The following PARD3B variants were observed in gnomAD, a reference collection of about 807,000 sequenced individuals.
PARD3B encodes partitioning defective 3 homolog B.
A neutral mutation model predicts 130.2 loss-of-function variants in PARD3B; 103 were observed. The observed-to-expected ratio is 0.79, with a 90% CI of 0.67 to 0.93. PARD3B has a LOEUF of 0.93. Ranked by LOEUF, PARD3B falls within the 40% of genes least tolerant of loss-of-function variation. PARD3B has a pLI of 0.00. For missense variants in PARD3B, 1,609 were observed against 1,499.2 expected (o/e 1.07, Z -1.21); for synonymous variants, 583 against 553.2 (o/e 1.05, Z -0.76).
intron 21 of PARD3B, among the ~76,000 whole-genome samples, chr2:205,523,986 T>C (rs2051218336): frequency 6.6e-6 from 1 of 152,110 alleles, no homozygotes; most frequent in Non-Finnish European, 1.5e-5. Context: ...TTTACCTCAA[T>C]GACTTGACTG....
chr2:205,452,855 T>C, intron 20 of PARD3B, among the ~76,000 whole-genome samples: 1 of 152,032 alleles, frequency 6.6e-6, no homozygotes, highest in Non-Finnish European at 1.5e-5. Flanking sequence ...CAAGGCCCCT[T>C]CCCCCCATCC....
chr2:205,059,379 A>C (rs1699927761), intron 4 of PARD3B, among the ~76,000 whole-genome samples: 1 of 152,040 alleles, frequency 6.6e-6, no homozygotes, highest in Non-Finnish European at 1.5e-5. Context: ...TGTGCAAAGA[A>C]AGCTTCTGTC....
chr2:205,500,078 A>G, intron 21 of PARD3B, 47 bp downstream of exon 21: 1 of 1,597,210 alleles, frequency 6.3e-7, no homozygotes, highest in Non-Finnish European at 8.6e-7. Flanking sequence ...TTTTCTAAGA[A>G]TGTTTAGAGC....
At chr2:204,658,989 T>A (rs1032318649) in intron 1 of PARD3B, among the ~76,000 whole-genome samples, 1 of 152,158 alleles carries the variant, frequency 6.6e-6, no homozygotes, top group African/African-American at 2.4e-5. Context: ...ACAGCAAATA[T>A]CTTTGTCCTT....
intron 18 of PARD3B, among the ~76,000 whole-genome samples, chr2:205,307,928 C>G (rs561483675): frequency 1.3e-5 from 2 of 152,138 alleles, no homozygotes; most frequent in Admixed American, 1.3e-4. Context: ...CCCTTATCTA[C>G]AACTTTTATA....
At chr2:204,570,662 G>A (rs1365388869) in intron 1 of PARD3B, among the ~76,000 whole-genome samples, 1 of 152,208 alleles carries the variant, frequency 6.6e-6, no homozygotes, top group Admixed American at 6.5e-5. Flanking sequence ...CAGGATGAAT[G>A]GGAAATGAGA....
In PARD3B at chr2:205,158,290, C is replaced by T. The variant is rs775559210; in HGVS notation, c.1435-432C>T. On this transcript the variant is annotated intron_variant, in intron 10 of 22. Coordinates refer to ENST00000406610, the MANE Select transcript of PARD3B (RefSeq NM_001302769.2). The surrounding 1 kb of genome is among the most constrained non-coding windows in gnomAD (Gnocchi z 5.4). ...CCCATATTTTCCTGAAATTTTAAGACGTTTCTACACTAAACTCTGTTCCTT... is the reference window on the plus strand; with the variant it reads ...CCCATATTTTCCTGAAATTTTAAGATGTTTCTACACTAAACTCTGTTCCTT... Among the ~76,000 whole-genome samples the T allele has an allele frequency of 6.3e-4, 96 of 152,046 alleles. No homozygotes were observed. Among genetic ancestry groups the T allele is most frequent in the African/African-American group, 2.2e-3 (91 of 41,394 alleles).
intron 1 of PARD3B, among the ~76,000 whole-genome samples, chr2:204,643,136 A>AAAAAAAAAAAAAAAAAAAG (rs1559202402): frequency 3.4e-5 from 5 of 145,198 alleles, no homozygotes; most frequent in Non-Finnish European, 6.1e-5. Flanking sequence ...AAAAAAAAAA[A>AAAAAAAAAAAAAAAAAAAG]TGTTTGGCAC....
At chr2:204,650,920 C>T (rs980367504) in intron 1 of PARD3B, among the ~76,000 whole-genome samples, 17 of 151,976 alleles carry the variant, frequency 1.1e-4, no homozygotes, top group African/African-American at 4.1e-4. Context: ...GAGGAAGTGC[C>T]ACACACTTTC....
At position 204,833,705 on chromosome 2, in the gene PARD3B, C is replaced by T. The variant is rs536816926; in HGVS notation, c.223-131447C>T. ...CATGTAAGACATGCCTTTTGCCTTC[C>T]GCCATGATTGTGGGGCCTCCCCAGC... On this transcript the variant is annotated intron_variant, in intron 2 of 22. Coordinates refer to ENST00000406610, the MANE Select transcript of PARD3B (RefSeq NM_001302769.2). Among the ~76,000 whole-genome samples, 25 of 152,034 alleles carry T rather than the reference C, an allele frequency of 1.6e-4. 1 individual carries two copies. Among genetic ancestry groups the T allele is most frequent in the South Asian group, 4.2e-4 (2 of 4,814 alleles).
At chr2:205,027,320 G>A (rs1455807024) in intron 3 of PARD3B, among the ~76,000 whole-genome samples, 2 of 151,928 alleles carry the variant, frequency 1.3e-5, no homozygotes, top group South Asian at 2.1e-4. Flanking sequence ...TAGTGATGTT[G>A]TGCACCTTTT....
chr2:205,574,651 T>G (rs956614175), intron 22 of PARD3B, among the ~76,000 whole-genome samples: 1 of 152,060 alleles, frequency 6.6e-6, no homozygotes, highest in African/African-American at 2.4e-5. Context: ...GGGGGCAACT[T>G]CACTTCATTG....
At chr2:204,970,336 C>T (rs1483945985) in intron 3 of PARD3B, among the ~76,000 whole-genome samples, 4 of 152,172 alleles carry the variant, frequency 2.6e-5, no homozygotes, top group Admixed American at 1.3e-4. Context: ...TCTATCAGAA[C>T]CAACTTTTTC....
At chr2:204,979,318 G>A (rs750304555) in intron 3 of PARD3B, among the ~76,000 whole-genome samples, 9 of 152,152 alleles carry the variant, frequency 5.9e-5, no homozygotes, top group Admixed American at 2.6e-4. Context: ...GGATGAAGGC[G>A]GGCAACCAGC....
rs866605069 is a variant in PARD3B at position 205,204,917 on chromosome 2, G to C, written c.2140+11597G>C. 2.0e-5 allele frequency among the ~76,000 whole-genome samples: 3 copies of C among 152,284 alleles called. No homozygotes were observed. The East Asian group carries it at 5.8e-4, about 29-fold the overall frequency. On this transcript the variant is annotated intron_variant, in intron 15 of 22. Transcript: ENST00000406610. Reference sequence around the variant, plus strand: ...AGCTTTGTTCTTTTTGCTTAGGGCTGTCTTGGCTATATGGGCTCCTTTTTG... The same window carrying C: ...AGCTTTGTTCTTTTTGCTTAGGGCTCTCTTGGCTATATGGGCTCCTTTTTG...
At chr2:204,956,405 A>G (rs1336089345) in intron 2 of PARD3B, among the ~76,000 whole-genome samples, 1 of 152,188 alleles carries the variant, frequency 6.6e-6, no homozygotes, top group African/African-American at 2.4e-5. Context: ...TTTTCCATAT[A>G]CTATTTTATG....
chr2:205,063,296 A>T (rs894972783), intron 4 of PARD3B, among the ~76,000 whole-genome samples: 2 of 151,980 alleles, frequency 1.3e-5, no homozygotes, highest in African/African-American at 4.8e-5. Flanking sequence ...CACCCTCAAA[A>T]CATGTACAAC....
At chr2:204,704,415 T>C (rs1178274161) in intron 2 of PARD3B, among the ~76,000 whole-genome samples, 1 of 152,072 alleles carries the variant, frequency 6.6e-6, no homozygotes, top group African/African-American at 2.4e-5. Flanking sequence ...ACTGTCAGAG[T>C]CATGCATATT....
intron 1 of PARD3B, among the ~76,000 whole-genome samples, chr2:204,641,088 A>G (rs1165753603): frequency 6.8e-6 from 1 of 148,070 alleles, no homozygotes; most frequent in African/African-American, 2.4e-5. Context: ...TTACTATATT[A>G]TATGTACATT....
Sources: gnomAD v4.1 joint callset for allele counts (sites outside exome capture counted in the v4.1 genomes callset) on GRCh38, gnomAD v4.1.1 for gene constraint, Gnocchi (gnomAD v3.1) non-coding constraint, MANE v1.5 for transcripts, NCBI Gene and HGNC (gene_info 2026-07-23, HGNC 2026-07-21) for gene names.